SIL1: variants seen among roughly 807,000 people sequenced by gnomAD.
The protein encoded by SIL1 is SIL1 nucleotide exchange factor.
Under a neutral mutation model 49.1 loss-of-function variants are expected in SIL1, and 40 were observed. The ratio of observed to expected loss-of-function variants is 0.81; its 90% CI spans 0.63 to 1.06. The LOEUF (loss-of-function observed/expected upper bound fraction) is 1.06, where lower values mean the gene tolerates loss of function less well. Among genes scored for constraint, SIL1 ranks in the 50% least tolerant of loss-of-function variants. The pLI is 0.00. For synonymous variants in SIL1, 253 were observed against 250.8 expected, an observed-to-expected ratio of 1.01 and a Z score of -0.08; for missense variants, 500 against 572.6, an observed-to-expected ratio of 0.87 and a Z score of 1.29.
chr5:138,946,860 C>A lies in SIL1; in HGVS notation c.*257G>T. On this transcript the variant is annotated 3_prime_UTR_variant, in exon 10 of 10. Coordinates refer to ENST00000394817, the MANE Select transcript of SIL1 (RefSeq NM_022464.5). ...GCAACTCCTGGGCCCAGGTTCCTGC[C>A]CTGGAGCCTGTTCCTGGATGCCCTG... 1.8e-6 allele frequency: 1 copy of A among 544,738 alleles called. No homozygotes were observed. 33.7% of individuals were successfully genotyped at this position (544,738 alleles called of 1,614,324 possible). A position where few individuals can be genotyped will look rare whatever the true frequency, so the allele number is the denominator to read the frequency against.
At chr5:138,954,108 C>G (rs1018996094) in intron 7 of SIL1, among the ~76,000 whole-genome samples, 1 of 152,230 alleles carries the variant, frequency 6.6e-6, no homozygotes, top group African/African-American at 2.4e-5. Flanking sequence ...GGGAGCCACC[C>G]ACAGCCAAGC....
At chr5:138,982,550 TA>T (rs989885644) in intron 7 of SIL1, among the ~76,000 whole-genome samples, 1 of 152,216 alleles carries the variant, frequency 6.6e-6, no homozygotes, top group African/African-American at 2.4e-5. Context: ...GAGCATTTTA[TA>T]GAGACAATTT....
At chr5:139,191,221 C>CAAAAAAAAAAAAAAAAA (rs773259762) in intron 1 of SIL1, among the ~76,000 whole-genome samples, 1 of 67,900 alleles carries the variant, frequency 1.5e-5, no homozygotes, top group Non-Finnish European at 2.6e-5. Flanking sequence ...GACTCTGTCT[C>CAAAAAAAAAAAAAAAAA]AAAAAAAAAA....
At chr5:139,095,121 C>T (rs2151778682) in intron 3 of SIL1, among the ~76,000 whole-genome samples, 1 of 152,268 alleles carries the variant, frequency 6.6e-6, no homozygotes, top group Middle Eastern at 3.4e-3. Flanking sequence ...TAGTACTTAC[C>T]AGATTTCTCC....
intron 3 of SIL1, among the ~76,000 whole-genome samples, chr5:139,099,568 A>G (rs1770542671): frequency 6.6e-6 from 1 of 152,230 alleles, no homozygotes; most frequent in East Asian, 1.9e-4. Flanking sequence ...AATGTGGTAC[A>G]TATACACAAT....
chr5:139,172,400 G>A (rs1201150742), intron 1 of SIL1, among the ~76,000 whole-genome samples: 1 of 152,186 alleles, frequency 6.6e-6, no homozygotes, highest in Non-Finnish European at 1.5e-5. Context: ...TTGGGAGGCT[G>A]AGGCAGGCAA....
At chr5:139,165,549 C>T (rs530667034) in intron 1 of SIL1, among the ~76,000 whole-genome samples, 37 of 152,262 alleles carry the variant, frequency 2.4e-4, no homozygotes, top group South Asian at 2.3e-3. Flanking sequence ...AGGGTTTCAC[C>T]ATGTTAGCCA....
intron 7 of SIL1, among the ~76,000 whole-genome samples, chr5:138,998,887 G>A (rs993811559): frequency 2.4e-4 from 11 of 45,836 alleles, no homozygotes; most frequent in Non-Finnish European, 4.2e-4. Flanking sequence ...AGACAGTTTT[G>A]TTCTTGTCAT....
At chr5:138,951,374 G>A (rs73790390) in intron 8 of SIL1, 39 bp from the exon 9 acceptor site, 376 of 1,548,162 alleles carry the variant, frequency 2.4e-4, no homozygotes, top group Middle Eastern at 9.2e-4. Flanking sequence ...GGGGCCAAGC[G>A]AGCTGGACCT....
intron 7 of SIL1, among the ~76,000 whole-genome samples, chr5:138,961,046 G>C (rs116625338): frequency 0.017 from 2,528 of 152,256 alleles, 66 homozygotes; most frequent in African/African-American, 0.058. Context: ...GGAGGGATGG[G>C]GGAGGGAGGA....
chr5:139,147,005 A>C (rs1233576364), intron 1 of SIL1, among the ~76,000 whole-genome samples: 1 of 152,170 alleles, frequency 6.6e-6, no homozygotes, highest in Non-Finnish European at 1.5e-5. Flanking sequence ...TCCACTGTTT[A>C]ATCTCTAGTT....
At chr5:138,987,775 A>C (rs992282956) in intron 7 of SIL1, among the ~76,000 whole-genome samples, 1 of 152,244 alleles carries the variant, frequency 6.6e-6, no homozygotes, top group African/African-American at 2.4e-5. Flanking sequence ...CCAGCTGGCC[A>C]CCTGGATCTA....
At chr5:139,084,257 C>T (rs1418144431) in intron 3 of SIL1, among the ~76,000 whole-genome samples, 2 of 149,336 alleles carry the variant, frequency 1.3e-5, no homozygotes, top group Non-Finnish European at 3.0e-5. Context: ...CTAGAAATAC[C>T]ATTTGACCCA....
intron 7 of SIL1, among the ~76,000 whole-genome samples, chr5:139,002,561 T>C (rs1285848416): frequency 1.3e-5 from 2 of 152,112 alleles, no homozygotes; most frequent in Non-Finnish European, 2.9e-5. Context: ...CATATAGAAA[T>C]GTATCATAAA....
intron 1 of SIL1, among the ~76,000 whole-genome samples, chr5:139,195,385 T>C (rs1752247199): frequency 6.7e-6 from 1 of 150,140 alleles, no homozygotes; most frequent in South Asian, 2.1e-4. Flanking sequence ...CCAGTTTTTT[T>C]TGTTTTGTTT....
intron 1 of SIL1, among the ~76,000 whole-genome samples, chr5:139,169,946 C>T (rs1751709315): frequency 6.6e-6 from 1 of 151,890 alleles, no homozygotes; most frequent in African/African-American, 2.4e-5. Flanking sequence ...GCTGCCATCT[C>T]GGCTCACTGC....
intron 7 of SIL1, among the ~76,000 whole-genome samples, chr5:138,971,562 A>G (rs1767271727): frequency 6.6e-6 from 1 of 152,178 alleles, no homozygotes; most frequent in Non-Finnish European, 1.5e-5. Context: ...AGCACAGACC[A>G]TAAAGATTAA....
intron 7 of SIL1, among the ~76,000 whole-genome samples, chr5:139,018,290 G>A (rs902451433): frequency 1.3e-5 from 2 of 152,130 alleles, no homozygotes; most frequent in Non-Finnish European, 2.9e-5. Context: ...TGCCCTCAAT[G>A]AAGCAGCAGG....
At chr5:138,992,248 T>G (rs1480123803) in intron 7 of SIL1, among the ~76,000 whole-genome samples, 1 of 152,212 alleles carries the variant, frequency 6.6e-6, no homozygotes, top group African/African-American at 2.4e-5. Context: ...AGAAAGAGAC[T>G]AGGAACCCCA....
Sources: gnomAD v4.1 joint callset for allele counts (sites outside exome capture counted in the v4.1 genomes callset) on GRCh38, gnomAD v4.1.1 for gene constraint, MANE v1.5 for transcripts, NCBI Gene and HGNC (gene_info 2026-07-23, HGNC 2026-07-21) for gene names.